GALNT17: variants seen among roughly 807,000 people sequenced by gnomAD.
The protein encoded by GALNT17 is polypeptide N-acetylgalactosaminyltransferase 17.
GALNT17 carries 29 observed loss-of-function variants against 63.7 expected under a neutral mutation model. The observed-to-expected ratio is 0.46, with a 90% CI of 0.34 to 0.62. The LOEUF (loss-of-function observed/expected upper bound fraction) is 0.62, where lower values mean the gene tolerates loss of function less well. GALNT17 is among the 20% of genes least tolerant of loss of function. The pLI is 0.01. For synonymous variants in GALNT17, 305 were observed against 318.3 expected (o/e 0.96, Z 0.45); for missense variants, 603 against 799.6 (o/e 0.75, Z 2.97).
chr7:71,219,334 A>C (rs1040987292), intron 1 of GALNT17, among the ~76,000 whole-genome samples: 1 of 152,126 alleles, frequency 6.6e-6, no homozygotes, highest in Middle Eastern at 3.2e-3. Flanking sequence ...CAATATGTGT[A>C]TCTCTTTCTT....
At chr7:71,310,450 A>G (rs1791396269) in intron 1 of GALNT17, among the ~76,000 whole-genome samples, 1 of 152,198 alleles carries the variant, frequency 6.6e-6, no homozygotes, top group African/African-American at 2.4e-5. Flanking sequence ...TGAGATCATG[A>G]GGACATTTAG....
intron 5 of GALNT17, among the ~76,000 whole-genome samples, chr7:71,452,814 A>G (rs1787287662): frequency 6.6e-6 from 1 of 152,184 alleles, no homozygotes; most frequent in South Asian, 2.1e-4. Flanking sequence ...GCAAGAATTA[A>G]GCATCTTGTT....
intron 1 of GALNT17, among the ~76,000 whole-genome samples, chr7:71,145,116 C>G (rs977296285): frequency 1.3e-5 from 2 of 152,070 alleles, no homozygotes; most frequent in African/African-American, 2.4e-5. Context: ...ATGAAATTGT[C>G]AGGATGTGGA....
chr7:71,671,891 G>A (rs183218455), intron 8 of GALNT17, among the ~76,000 whole-genome samples: 132 of 152,148 alleles, frequency 8.7e-4, no homozygotes, highest in African/African-American at 3.0e-3. Context: ...CTAGCTGAGC[G>A]TGGTGGCTGG....
intron 6 of GALNT17, among the ~76,000 whole-genome samples, chr7:71,624,826 G>A (rs1388459319): frequency 6.6e-6 from 1 of 152,204 alleles, no homozygotes; most frequent in Non-Finnish European, 1.5e-5. Context: ...GGACGGCATT[G>A]TTTTAACCTT....
At chr7:71,220,709 G>A (rs868103975) in intron 1 of GALNT17, among the ~76,000 whole-genome samples, 2 of 152,070 alleles carry the variant, frequency 1.3e-5, no homozygotes, top group South Asian at 4.1e-4. Flanking sequence ...GTCCTCGTAA[G>A]AAAAGGAGAT....
intron 1 of GALNT17, among the ~76,000 whole-genome samples, chr7:71,193,967 G>A (rs1789000272): frequency 6.6e-6 from 1 of 152,310 alleles, no homozygotes; most frequent in Admixed American, 6.5e-5. Context: ...GAGGTATCAA[G>A]CATTCTTGTA....
At chr7:71,383,531 T>C (rs1792883513) in intron 2 of GALNT17, among the ~76,000 whole-genome samples, 1 of 152,124 alleles carries the variant, frequency 6.6e-6, no homozygotes, top group African/African-American at 2.4e-5. Context: ...CCTGAAGTCC[T>C]GGCCTCAAGC....
intron 4 of GALNT17, 100 bp from the exon 5 acceptor site, chr7:71,420,808 C>T (rs1352143635): frequency 1.4e-6 from 2 of 1,430,406 alleles, no homozygotes; most frequent in Non-Finnish European, 9.7e-7. Context: ...TTCCCAAAGC[C>T]CAGCCTTAAG....
At chr7:71,185,844 T>G (rs572487226) in intron 1 of GALNT17, among the ~76,000 whole-genome samples, 6 of 152,330 alleles carry the variant, frequency 3.9e-5, no homozygotes, top group Admixed American at 3.9e-4. Flanking sequence ...TTTCCCTATC[T>G]GCAAAATGCA....
intron 9 of GALNT17, among the ~76,000 whole-genome samples, chr7:71,691,428 TA>T (rs1791441660): frequency 6.6e-6 from 1 of 152,242 alleles, no homozygotes; most frequent in Non-Finnish European, 1.5e-5. Context: ...CTTGCCTTTT[TA>T]TTGCAATATT....
At chr7:71,407,919 A>G (rs113082761) in intron 3 of GALNT17, among the ~76,000 whole-genome samples, 6,799 of 152,114 alleles carry the variant, frequency 0.045, 547 homozygotes, top group African/African-American at 0.16. Context: ...GAAAGGGGAG[A>G]TGGGGAGCAG....
chr7:71,700,873 G>A (rs1791621116), intron 9 of GALNT17, among the ~76,000 whole-genome samples: 3 of 152,190 alleles, frequency 2.0e-5, no homozygotes, highest in South Asian at 4.1e-4. Flanking sequence ...TGAGTAAGCT[G>A]TGAACACCTC....
rs144232725 is a variant in GALNT17 at position 71,478,977 on chromosome 7, G to C, written c.962+57872G>C. Among the ~76,000 whole-genome samples the C allele has an allele frequency of 9.7e-4, 147 of 152,296 alleles. No individual in the cohort carries two copies. The East Asian group carries it at 0.025, about 26-fold the overall frequency. On this transcript the variant is annotated intron_variant, in intron 5 of 10. Transcript: ENST00000333538. ...GAGACCATAAGTAAAATCACTGCCT[G>C]ATACAGCAGGAGAAATGTTACTGTG...
chr7:71,416,253 C>T (rs1793524578), intron 4 of GALNT17, among the ~76,000 whole-genome samples, 190 bp downstream of exon 4: 1 of 152,096 alleles, frequency 6.6e-6, no homozygotes. Context: ...ATTTGTCTGC[C>T]GTCTGTTCAG....
At chr7:71,530,703 G>A (rs1788705535) in intron 5 of GALNT17, among the ~76,000 whole-genome samples, 1 of 152,054 alleles carries the variant, frequency 6.6e-6, no homozygotes, top group African/African-American at 2.4e-5. Context: ...AAATAGCTGG[G>A]ACTACAGGCG....
chr7:71,362,620 T>A (rs1792424724), intron 2 of GALNT17, among the ~76,000 whole-genome samples: 1 of 152,190 alleles, frequency 6.6e-6, no homozygotes, highest in Non-Finnish European at 1.5e-5. Flanking sequence ...CGTGGCTGTG[T>A]GATTCAGATG....
chr7:71,711,633 CTCT>C (rs1205127078), intron 10 of GALNT17, among the ~76,000 whole-genome samples: 2 of 151,170 alleles, frequency 1.3e-5, no homozygotes, highest in Non-Finnish European at 2.9e-5. Flanking sequence ...TTCCTCTCCT[CTCT>C]TCTCTTTTTT....
At chr7:71,264,369 G>T (rs1790449189) in intron 1 of GALNT17, among the ~76,000 whole-genome samples, 1 of 152,036 alleles carries the variant, frequency 6.6e-6, no homozygotes, top group Non-Finnish European at 1.5e-5. Context: ...TACATTTCTG[G>T]GGTTACCTGG....
Sources: gnomAD v4.1 joint callset for allele counts (sites outside exome capture counted in the v4.1 genomes callset) on GRCh38, gnomAD v4.1.1 for gene constraint, MANE v1.5 for transcripts, NCBI Gene and HGNC (gene_info 2026-07-23, HGNC 2026-07-21) for gene names.